Variants in ANO1 observed in about 807,000 individuals in gnomAD.
ANO1 encodes the protein anoctamin 1.
Under a neutral mutation model 124.0 loss-of-function variants are expected in ANO1, and 59 were observed. The observed-to-expected ratio is 0.48, with a 90% CI of 0.39 to 0.59. The LOEUF is 0.59. Among genes scored for constraint, ANO1 ranks in the 20% least tolerant of loss-of-function variants. ANO1 has a pLI of 0.00. For synonymous variants in ANO1, 529 were observed against 532.0 expected (o/e 0.99, Z 0.08); for missense variants, 1,059 against 1,328.0 (o/e 0.80, Z 3.15).
At position 70,137,597 on chromosome 11, in the gene ANO1, G is replaced by A. The variant is rs184253331; in HGVS notation, c.1258+5518G>A. 1.4e-4 allele frequency among the ~76,000 whole-genome samples: 20 copies of A among 145,706 alleles called. 5 individuals carry two copies. Among genetic ancestry groups the A allele is most frequent in the Non-Finnish European group, 2.4e-4 (16 of 65,520 alleles). ...TGGGAAGATCCACCCAGCGGGGCCCGGCCTGCCCTGGCAGCCCACTTGACG... is the reference window on the plus strand; with the variant it reads ...TGGGAAGATCCACCCAGCGGGGCCCAGCCTGCCCTGGCAGCCCACTTGACG... On this transcript the variant is annotated intron_variant, in intron 11 of 25. Transcript: ENST00000355303.
At chr11:70,163,383 G>T in intron 19 of ANO1, 43 bp downstream of exon 19, 1 of 1,607,592 alleles carries the variant, frequency 6.2e-7, no homozygotes, top group Non-Finnish European at 8.5e-7. Flanking sequence ...CTTCTGTCTT[G>T]CTTACGATTT....
intron 1 of ANO1, among the ~76,000 whole-genome samples, chr11:70,029,052 G>A (rs4264178): frequency 0.29 from 44,341 of 152,102 alleles, 6,984 homozygotes; most frequent in East Asian, 0.63. Flanking sequence ...AAAGTGCTGA[G>A]ATTACAGGCA....
chr11:69,979,280 G>A, the ANO1 span, among the ~76,000 whole-genome samples: 1 of 152,292 alleles, frequency 6.6e-6, no homozygotes, highest in Non-Finnish European at 1.5e-5. Context: ...TGCAACTGGT[G>A]TATTGAGTTC....
chr11:70,056,977 T>A (rs1220803643), intron 1 of ANO1, among the ~76,000 whole-genome samples: 2 of 152,158 alleles, frequency 1.3e-5, no homozygotes, highest in African/African-American at 4.8e-5. Flanking sequence ...CCATGGATTC[T>A]ATCTGTACAT....
intron 13 of ANO1, 137 bp downstream of exon 13, chr11:70,152,598 C>G (rs2047649719): frequency 9.8e-7 from 1 of 1,017,654 alleles, no homozygotes; most frequent in Admixed American, 2.0e-5. Flanking sequence ...GCTTTCTCCC[C>G]ACCTCCGGTC....
At chr11:69,995,106 T>G (rs1370435797) in intron 1 of ANO1, among the ~76,000 whole-genome samples, 1 of 148,678 alleles carries the variant, frequency 6.7e-6, no homozygotes, top group African/African-American at 2.5e-5. Flanking sequence ...TTTTTTTTTT[T>G]TTTTTTTTTT....
chr11:70,124,953 G>T (rs536564022), intron 9 of ANO1, among the ~76,000 whole-genome samples: 11 of 152,346 alleles, frequency 7.2e-5, no homozygotes, highest in African/African-American at 2.4e-4. Context: ...GCTGAACAGG[G>T]CTTGGAATGG....
chr11:70,081,852 G>T (rs2044212032), intron 1 of ANO1, among the ~76,000 whole-genome samples: 1 of 152,238 alleles, frequency 6.6e-6, no homozygotes, highest in Non-Finnish European at 1.5e-5. Context: ...CTCCTGCTGT[G>T]AAGGGAACCT....
At chr11:70,070,435 C>A (rs1422674169) in intron 1 of ANO1, among the ~76,000 whole-genome samples, 1 of 152,172 alleles carries the variant, frequency 6.6e-6, no homozygotes, top group African/African-American at 2.4e-5. Flanking sequence ...CTAATCCCAG[C>A]ACTTTGGGAG....
At chr11:69,989,760 G>A (rs782324125) in intron 1 of ANO1, among the ~76,000 whole-genome samples, 1 of 152,142 alleles carries the variant, frequency 6.6e-6, no homozygotes. Context: ...CCAGGTGCAC[G>A]AGGCAGGTAG....
chr11:70,009,289 A>G (rs1591031288), intron 1 of ANO1, among the ~76,000 whole-genome samples: 2 of 152,052 alleles, frequency 1.3e-5, no homozygotes, highest in Admixed American at 6.5e-5. Flanking sequence ...GTGTGAGGTC[A>G]AGCATCTCTT....
In ANO1 at chr11:70,019,235, GAA is replaced by G. The variant is rs782204705; in HGVS notation, c.58+33070_58+33071del. ...CTTGGGATGCAGGGGAGGGAAAGAA[GAA>G]CCCCCCCACACACACACACACACAC... On this transcript the variant is annotated intron_variant, in intron 1 of 27. Transcript: ENST00000531349. Among the ~76,000 whole-genome samples the G allele has an allele frequency of 8.4e-3, 1,013 of 120,680 alleles. 10 individuals carry two copies. Among genetic ancestry groups the G allele is most frequent in the Admixed American group, 0.014 (161 of 11,242 alleles). 79.2% of individuals were successfully genotyped at this position (120,680 alleles called of 152,430 possible). A position where few individuals can be genotyped will look rare whatever the true frequency, so the allele number is the denominator to read the frequency against.
intron 1 of ANO1, among the ~76,000 whole-genome samples, chr11:70,023,253 T>C (rs781954198): frequency 6.6e-6 from 1 of 152,204 alleles, no homozygotes; most frequent in Non-Finnish European, 1.5e-5. Context: ...GGCTTAATCA[T>C]TGTTGGACCG....
At chr11:70,070,041 A>AATGCATTTTG (rs1223152935) in intron 1 of ANO1, among the ~76,000 whole-genome samples, 1 of 152,186 alleles carries the variant, frequency 6.6e-6, no homozygotes, top group Non-Finnish European at 1.5e-5. Context: ...GTTGGCCATT[A>AATGCATTTTG]ATGCATTTTG....
At chr11:70,088,526 A>AAAGAAGAAG (rs1555014769) in intron 2 of ANO1, among the ~76,000 whole-genome samples, 4 of 93,402 alleles carry the variant, frequency 4.3e-5, no homozygotes, top group Non-Finnish European at 6.4e-5. Flanking sequence ...AAAAAAAAAA[A>AAAGAAGAAG]AAGAAGAAGA....
Position 70,067,614 on chromosome 11 carries a change from C to T in ANO1, c.59-10928C>T, listed in dbSNP as rs544438621. 8.1e-4 allele frequency among the ~76,000 whole-genome samples: 123 copies of T among 152,286 alleles called. 1 individual carries two copies. The highest frequency in any genetic ancestry group is 3.4e-3 in the Middle Eastern group (1 of 294). On this transcript the variant is annotated intron_variant, in intron 1 of 27. Transcript: ENST00000531349. ...AAGAGTTGGGATTACAGGCATGAGC[C>T]GCCGCACCCGGCCTGTGCGTGTTTT... is the stretch of plus-strand genomic sequence containing the variant.
At chr11:70,084,724 G>A (rs1480260944) in intron 1 of ANO1, among the ~76,000 whole-genome samples, 1 of 152,162 alleles carries the variant, frequency 6.6e-6, no homozygotes, top group African/African-American at 2.4e-5. Flanking sequence ...CAAACCTCCC[G>A]ACTAGCCTGT....
chr11:70,056,036 A>G (rs1591061023), intron 1 of ANO1, among the ~76,000 whole-genome samples: 2 of 151,492 alleles, frequency 1.3e-5, no homozygotes, highest in South Asian at 2.1e-4. Context: ...AATCCCCACA[A>G]GACATTGTTA....
chr11:70,009,902 T>C (rs1481804659), intron 1 of ANO1, among the ~76,000 whole-genome samples: 3 of 152,006 alleles, frequency 2.0e-5, no homozygotes, highest in Non-Finnish European at 4.4e-5. Context: ...ACCCAATGTG[T>C]AGTCTTTTAT....
Sources: allele counts gnomAD v4.1 joint callset (sites outside exome capture counted in the v4.1 genomes callset), GRCh38; gene constraint gnomAD v4.1.1; transcripts MANE v1.5; gene names NCBI Gene and HGNC (gene_info 2026-07-23, HGNC 2026-07-21).